TAFA1: variants seen among roughly 807,000 people sequenced by gnomAD.
TAFA1 encodes chemokine-like protein TAFA-1.
A neutral mutation model predicts 18.5 loss-of-function variants in TAFA1; 4 were observed. The ratio of observed to expected loss-of-function variants is 0.22; its 90% CI spans 0.11 to 0.49. The LOEUF is 0.49. TAFA1 is among the 20% of genes least tolerant of loss of function. The probability of loss-of-function intolerance (pLI) is 0.98; values close to 1 mark genes in which losing one functional copy is unlikely to be tolerated. For synonymous variants in TAFA1, 56 were observed against 55.2 expected, an observed-to-expected ratio of 1.01 and a Z score of -0.06; for missense variants, 147 against 169.0, an observed-to-expected ratio of 0.87 and a Z score of 0.72.
intron 2 of TAFA1, among the ~76,000 whole-genome samples, chr3:68,224,243 G>A (rs765860137): frequency 2.7e-4 from 41 of 152,062 alleles, no homozygotes; most frequent in Non-Finnish European, 4.6e-4. Flanking sequence ...AGACTAAGAA[G>A]AGTACTGACA....
At chr3:68,340,874 A>G (rs1259883381) in intron 2 of TAFA1, among the ~76,000 whole-genome samples, 2 of 152,240 alleles carry the variant, frequency 1.3e-5, no homozygotes, top group East Asian at 1.9e-4. Context: ...AATCTCAGGC[A>G]AAATTGAAGG....
intron 2 of TAFA1, among the ~76,000 whole-genome samples, chr3:68,352,832 C>T (rs2069293353): frequency 6.6e-6 from 1 of 151,884 alleles, no homozygotes; most frequent in South Asian, 2.1e-4. Context: ...GGGAAGAAGA[C>T]CTGGAAGCAA....
intron 2 of TAFA1, among the ~76,000 whole-genome samples, chr3:68,240,332 C>T (rs1264078325): frequency 6.6e-6 from 1 of 152,164 alleles, no homozygotes; most frequent in African/African-American, 2.4e-5. Context: ...CTCTTGTAAA[C>T]TGGGGGCAAA....
chr3:68,152,075 G>A (rs1421492372), intron 2 of TAFA1, among the ~76,000 whole-genome samples: 2 of 151,986 alleles, frequency 1.3e-5, no homozygotes, highest in African/African-American at 2.4e-5. Flanking sequence ...GGGAGTTGAG[G>A]GACACAAAGA....
chr3:68,425,599 A>C (rs74412973), intron 3 of TAFA1, among the ~76,000 whole-genome samples: 2 of 151,950 alleles, frequency 1.3e-5, no homozygotes, highest in African/African-American at 4.8e-5. Context: ...GTCTGCATTC[A>C]TAAGAGGAAT....
chr3:68,113,532 A>T (rs1368360907), intron 2 of TAFA1, among the ~76,000 whole-genome samples: 2 of 152,254 alleles, frequency 1.3e-5, no homozygotes, highest in African/African-American at 4.8e-5. Flanking sequence ...AATATTATTC[A>T]TTAATGTTAA....
chr3:68,494,872 A>G (rs1378837542), intron 3 of TAFA1, among the ~76,000 whole-genome samples: 2 of 152,246 alleles, frequency 1.3e-5, no homozygotes, highest in Non-Finnish European at 2.9e-5. Flanking sequence ...GTGCTTTAAA[A>G]ATGATCAATT....
intron 2 of TAFA1, among the ~76,000 whole-genome samples, chr3:68,044,618 C>G (rs780823041): frequency 2.0e-5 from 3 of 152,166 alleles, no homozygotes; most frequent in African/African-American, 4.8e-5. Context: ...ATTTCATCTT[C>G]TTACATTGAT....
chr3:68,538,326 C>A (rs968850992), intron 3 of TAFA1, among the ~76,000 whole-genome samples: 4 of 152,106 alleles, frequency 2.6e-5, no homozygotes, highest in Admixed American at 6.6e-5. Flanking sequence ...AACTTTGTGG[C>A]CTTTCATTAG....
the TAFA1 span, among the ~76,000 whole-genome samples, chr3:67,992,938 A>G: frequency 6.6e-6 from 1 of 152,230 alleles, no homozygotes; most frequent in African/African-American, 2.4e-5. Context: ...CTCTGCTGAC[A>G]GAGCATGGGA....
chr3:68,083,520 C>A (rs1295106234), intron 2 of TAFA1, among the ~76,000 whole-genome samples: 1 of 152,196 alleles, frequency 6.6e-6, no homozygotes, highest in Non-Finnish European at 1.5e-5. Context: ...CATTTAGTGG[C>A]ATGGAACAGA....
chr3:68,524,856 A>G (rs935813036), intron 3 of TAFA1, among the ~76,000 whole-genome samples: 9 of 152,130 alleles, frequency 5.9e-5, no homozygotes, highest in Non-Finnish European at 1.3e-4. Flanking sequence ...TATTTTTAGT[A>G]GAGACAGGAT....
intron 3 of TAFA1, among the ~76,000 whole-genome samples, chr3:68,434,444 A>G (rs1166075800): frequency 6.6e-6 from 1 of 152,072 alleles, no homozygotes; most frequent in Non-Finnish European, 1.5e-5. Context: ...ATAGAACCTT[A>G]TTAGATACCA....
chr3:68,376,761 G>T (rs2106652185), intron 2 of TAFA1, among the ~76,000 whole-genome samples: 1 of 152,214 alleles, frequency 6.6e-6, no homozygotes, highest in East Asian at 1.9e-4. Context: ...ATTCCTTTGG[G>T]TATATACCCA....
At chr3:68,057,849 C>A (rs1315394788) in intron 2 of TAFA1, among the ~76,000 whole-genome samples, 3 of 152,056 alleles carry the variant, frequency 2.0e-5, no homozygotes, top group Non-Finnish European at 4.4e-5. Context: ...GGTCATGAAC[C>A]AAGTGATGTG....
intron 2 of TAFA1, among the ~76,000 whole-genome samples, chr3:68,079,103 G>C (rs1369363158): frequency 1.3e-5 from 2 of 152,154 alleles, no homozygotes; most frequent in African/African-American, 2.4e-5. Flanking sequence ...CTGCATAGAG[G>C]TGTTTGTAGT....
chr3:68,392,538 C>G (rs2070283261), intron 2 of TAFA1, among the ~76,000 whole-genome samples: 1 of 152,188 alleles, frequency 6.6e-6, no homozygotes, highest in Admixed American at 6.5e-5. Flanking sequence ...AACCCTCCAT[C>G]TCAAATCAAC....
intron 3 of TAFA1, among the ~76,000 whole-genome samples, chr3:68,526,404 A>G (rs1337832687): frequency 6.6e-6 from 1 of 152,188 alleles, no homozygotes; most frequent in Non-Finnish European, 1.5e-5. Context: ...CCTTACAATC[A>G]GTGTACAACT....
intron 2 of TAFA1, among the ~76,000 whole-genome samples, chr3:68,378,691 A>G (rs1055569294): frequency 9.2e-5 from 14 of 152,154 alleles, no homozygotes; most frequent in Non-Finnish European, 1.6e-4. Flanking sequence ...TGCAAATCTC[A>G]TCTCAAATTG....
Sources: gnomAD v4.1 joint callset for allele counts (sites outside exome capture counted in the v4.1 genomes callset) on GRCh38, gnomAD v4.1.1 for gene constraint, MANE v1.5 for transcripts, NCBI Gene and HGNC (gene_info 2026-07-23, HGNC 2026-07-21) for gene names.